RFX8: variants seen among roughly 807,000 people sequenced by gnomAD.
RFX8 encodes the protein regulatory factor X8, also known as DNA-binding protein RFX8.
Under a neutral mutation model 54.6 loss-of-function variants are expected in RFX8, and 46 were observed. The ratio of observed to expected loss-of-function variants is 0.84; its 90% CI spans 0.67 to 1.08. The LOEUF (loss-of-function observed/expected upper bound fraction) is 1.08, where lower values mean the gene tolerates loss of function less well. Ranked by LOEUF, RFX8 falls within the 50% of genes least tolerant of loss-of-function variation. The pLI is 0.00. For synonymous variants in RFX8, 192 were observed against 209.5 expected (o/e 0.92, Z 0.72); for missense variants, 536 against 562.3 (o/e 0.95, Z 0.47).
At chr2:101,439,596 C>CTTTTTTTTTTTTTTTTTTTTTTT (rs139433618) in intron 2 of RFX8, among the ~76,000 whole-genome samples, 1 of 143,604 alleles carries the variant, frequency 7.0e-6, no homozygotes, top group Non-Finnish European at 1.5e-5. Context: ...GATTGAAGTT[C>CTTTTTTTTTTTTTTTTTTTTTTT]ATTTTTTTTT....
In RFX8 at chr2:101,454,437, G is replaced by T. The variant is rs1192253265; in HGVS notation, c.72+12340C>A. On this transcript the variant is annotated intron_variant, in intron 2 of 11. Coordinates refer to ENST00000428343, the MANE Select transcript of RFX8 (RefSeq NM_001145664.2). ...AGTAATGGGATCGCTGGGTCAAATG[G>T]TATTTCTAGTTCTAGAACCTTGAGG... 2.6e-5 allele frequency among the ~76,000 whole-genome samples: 4 copies of T among 152,182 alleles called. No individual in the cohort carries two copies. In the East Asian group the frequency reaches 5.8e-4, roughly 22 times the overall value.
intron 1 of RFX8, chr2:101,474,423 C>T (rs1036566294): frequency 4.8e-5 from 18 of 376,610 alleles, no homozygotes; most frequent in Admixed American, 9.3e-5. Flanking sequence ...GGGCGGGAGC[C>T]CAGTCCTCCA....
intron 11 of RFX8, among the ~76,000 whole-genome samples, chr2:101,400,097 A>C (rs1056296640): frequency 1.3e-5 from 2 of 152,194 alleles, no homozygotes; most frequent in Non-Finnish European, 1.5e-5. Context: ...GATGCATTTA[A>C]ACGCTCAGCT....
At chr2:101,411,435 A>G (rs1023049362) in intron 8 of RFX8, among the ~76,000 whole-genome samples, 1 of 152,116 alleles carries the variant, frequency 6.6e-6, no homozygotes, top group Non-Finnish European at 1.5e-5. Flanking sequence ...GGGACTCACA[A>G]AGATGCCAGT....
intron 10 of RFX8, among the ~76,000 whole-genome samples, chr2:101,403,702 G>T (rs754548685): frequency 2.6e-5 from 4 of 152,110 alleles, no homozygotes; most frequent in Non-Finnish European, 4.4e-5. Context: ...CGGGAGAATC[G>T]CTTGAACCCA....
At chr2:101,402,415 A>AG (rs1233360881) in intron 11 of RFX8, 21 bp downstream of exon 11, 2 of 1,525,164 alleles carry the variant, frequency 1.3e-6, no homozygotes, top group East Asian at 4.9e-5. Flanking sequence ...GCTGTGTGGA[A>AG]GGGGGTCCTG....
intron 4 of RFX8, 24 bp downstream of exon 4, chr2:101,421,700 C>T (rs1282536261): frequency 3.9e-6 from 6 of 1,545,780 alleles, no homozygotes; most frequent in Non-Finnish European, 5.2e-6. Context: ...AAAACCCTAC[C>T]CTCTCAAGTT....
chr2:101,435,705 C>T (rs1299139325), intron 2 of RFX8, among the ~76,000 whole-genome samples: 7 of 152,064 alleles, frequency 4.6e-5, no homozygotes, highest in Admixed American at 2.6e-4. Flanking sequence ...GCCAACTAAA[C>T]GGGATTGGAA....
intron 2 of RFX8, among the ~76,000 whole-genome samples, chr2:101,424,575 T>A (rs1209060407): frequency 2.6e-5 from 4 of 152,222 alleles, no homozygotes; most frequent in Non-Finnish European, 5.9e-5. Context: ...CACGTATGTT[T>A]ATTGCGGCAC....
chr2:101,440,718 C>T (rs1435954060), intron 2 of RFX8, among the ~76,000 whole-genome samples: 1 of 152,128 alleles, frequency 6.6e-6, no homozygotes, highest in Non-Finnish European at 1.5e-5. Context: ...CCTGTGAGTC[C>T]TTCTACTGGA....
At chr2:101,432,959 T>C (rs1573418367) in intron 2 of RFX8, among the ~76,000 whole-genome samples, 1 of 152,152 alleles carries the variant, frequency 6.6e-6, no homozygotes, top group East Asian at 1.9e-4. Flanking sequence ...CTTTAGTGAC[T>C]GCTCCTCAGG....
intron 2 of RFX8, among the ~76,000 whole-genome samples, chr2:101,440,850 G>T (rs1688058228): frequency 1.3e-5 from 2 of 151,992 alleles, no homozygotes; most frequent in Admixed American, 1.3e-4. Context: ...CAGTTTGATT[G>T]TTCAGTGTGC....
intron 2 of RFX8, among the ~76,000 whole-genome samples, chr2:101,458,570 G>A (rs1165388404): frequency 2.6e-5 from 4 of 152,166 alleles, no homozygotes; most frequent in South Asian, 2.1e-4. Flanking sequence ...GGTTTCTCCC[G>A]AGAGATCTGC....
At chr2:101,441,029 C>T (rs1436496851) in intron 2 of RFX8, among the ~76,000 whole-genome samples, 1 of 138,352 alleles carries the variant, frequency 7.2e-6, no homozygotes, top group African/African-American at 2.7e-5. Context: ...TGCAGTGGCA[C>T]GATCTTGGCT....
rs1690235672 is a variant in RFX8 at position 101,475,026 on chromosome 2, C to G, written c.-443G>C. Among the ~76,000 whole-genome samples, 1 of 152,206 alleles carries G rather than the reference C, an allele frequency of 6.6e-6. No individual in the cohort carries two copies. ...CCCCATATCTGTAGCCAGGTCCTGC[C>G]AGTCCTTGCTCTCAAGAGCCATTTA... On this transcript the variant is annotated 5_prime_UTR_variant, in exon 1 of 12. Transcript: ENST00000428343.
chr2:101,418,752 C>T (rs552870252), intron 5 of RFX8, 99 bp downstream of exon 5: 202 of 739,266 alleles, frequency 2.7e-4, no homozygotes, highest in Non-Finnish European at 1.2e-5. Flanking sequence ...CCTCAGAGGA[C>T]CATGGAGACT....
chr2:101,427,992 T>G (rs2104602730), intron 2 of RFX8, among the ~76,000 whole-genome samples: 1 of 152,132 alleles, frequency 6.6e-6, no homozygotes, highest in East Asian at 1.9e-4. Context: ...CGCAGGGTCA[T>G]GTGTTAAAAC....
rs559322234 is a variant in RFX8 at position 101,430,364 on chromosome 2, G to A, written c.73-7892C>T. Among the ~76,000 whole-genome samples the A allele has an allele frequency of 1.5e-3, 224 of 152,294 alleles. 2 individuals are homozygous for A. The highest frequency in any genetic ancestry group is 2.1e-4 in the Non-Finnish European group (14 of 68,012). The stretch of plus-strand genomic sequence containing the variant: ...CTACATTGAAGCCCTAGCCCTCTAT[G>A]TGACAGTATTTGTAAATAAGATCCT... On this transcript the variant is annotated intron_variant, in intron 2 of 11. Transcript: ENST00000428343.
In RFX8 at chr2:101,417,550, CT is replaced by C; in HGVS notation, c.485del (p.Gln162ArgfsTer15). On this transcript the variant is annotated frameshift_variant, in exon 6 of 12. Coordinates refer to ENST00000428343, the MANE Select transcript of RFX8 (RefSeq NM_001145664.2). LOFTEE classifies it high-confidence loss of function. ...GAAACCTACCTTTGAGTTTGGAGAT[CT>C]GCAAGAGGGCTGGAACACCTTCCAA... ...NALEGVPALL[Q>X]ISKLKEVTLF... The C allele has an allele frequency of 1.3e-6, 2 of 1,548,804 alleles. No individual in the cohort carries two copies. The highest frequency in any genetic ancestry group is 1.7e-6 in the Non-Finnish European group (2 of 1,145,986).
Sources: allele counts gnomAD v4.1 joint callset (sites outside exome capture counted in the v4.1 genomes callset), GRCh38; gene constraint gnomAD v4.1.1; transcripts MANE v1.5; gene names NCBI Gene and HGNC (gene_info 2026-07-23, HGNC 2026-07-21).